The following DIS3L2 variants were observed in gnomAD, a reference collection of about 807,000 sequenced individuals.
DIS3L2 encodes DIS3-like exonuclease 2.
Under a neutral mutation model 97.5 loss-of-function variants are expected in DIS3L2, and 34 were observed. That is an observed-to-expected ratio of 0.35 (90% CI 0.27 to 0.46). DIS3L2 has a LOEUF of 0.46. Among genes scored for constraint, DIS3L2 ranks in the 20% least tolerant of loss-of-function variants. The probability of loss-of-function intolerance (pLI) is 1.00; values close to 1 mark genes in which losing one functional copy is unlikely to be tolerated. For missense variants in DIS3L2, 1,038 were observed against 1,146.0 expected (o/e 0.91, Z 1.36); for synonymous variants, 435 against 445.2 (o/e 0.98, Z 0.29).
chr2:232,039,622 G>A (rs1470272098), intron 5 of DIS3L2, among the ~76,000 whole-genome samples: 1 of 152,034 alleles, frequency 6.6e-6, no homozygotes, highest in African/African-American at 2.4e-5. Context: ...ATAACTCTTC[G>A]AAGTTCAGAT....
At chr2:231,983,908 AGAATT>A (rs1028618310) in intron 1 of DIS3L2, among the ~76,000 whole-genome samples, 1 of 151,788 alleles carries the variant, frequency 6.6e-6, no homozygotes, top group African/African-American at 2.4e-5. Context: ...AAAAAAGAAA[AGAATT>A]AAATGTAGTA....
At chr2:232,018,370 C>G (rs73098566) in intron 3 of DIS3L2, among the ~76,000 whole-genome samples, 2,054 of 152,280 alleles carry the variant, frequency 0.013, 55 homozygotes, top group African/African-American at 0.047. Flanking sequence ...GGGCCTCCCC[C>G]CTACATATGA....
chr2:232,300,326 G>A (rs139351601), intron 14 of DIS3L2, among the ~76,000 whole-genome samples: 1 of 152,282 alleles, frequency 6.6e-6, no homozygotes, highest in Non-Finnish European at 1.5e-5. Flanking sequence ...ACTTGCAGAG[G>A]AGCAGTTGTG....
intron 4 of DIS3L2, among the ~76,000 whole-genome samples, chr2:232,028,232 CT>C (rs564293421): frequency 1.3e-5 from 2 of 151,922 alleles, no homozygotes; most frequent in Admixed American, 6.6e-5. Context: ...ATTTTTCTTT[CT>C]TTTTTTTCTA....
At chr2:232,048,997 T>C (rs565383515) in intron 5 of DIS3L2, among the ~76,000 whole-genome samples, 6 of 152,168 alleles carry the variant, frequency 3.9e-5, no homozygotes, top group Non-Finnish European at 8.8e-5. Context: ...TATAGACACA[T>C]AGTTTAGTAT....
intron 16 of DIS3L2, among the ~76,000 whole-genome samples, chr2:232,332,861 GC>G (rs759483144): frequency 1.6e-4 from 25 of 152,160 alleles, no homozygotes; most frequent in Non-Finnish European, 3.4e-4. Context: ...GATGAGGACG[GC>G]CCCGACCAAA....
chr2:232,086,244 TAC>T lies in DIS3L2; in HGVS notation c.367-1238_367-1237del, dbSNP rs574801601. Among the ~76,000 whole-genome samples, 134 of 151,610 alleles carry T rather than the reference TAC, an allele frequency of 8.8e-4. 1 individual carries two copies. In the South Asian group the frequency reaches 0.013, roughly 15 times the overall value. On this transcript the variant is annotated intron_variant, in intron 5 of 20. Transcript: ENST00000325385. ...ACGTATAGACGTGTATACGTATATA[TAC>T]ACACGTATAGACGTGTATACGTGTA...
intron 9 of DIS3L2, among the ~76,000 whole-genome samples, chr2:232,191,820 A>C (rs1691625560): frequency 1.3e-5 from 2 of 152,228 alleles, no homozygotes; most frequent in Non-Finnish European, 2.9e-5. Flanking sequence ...CACAAGCATA[A>C]CAGTACTTTA....
chr2:232,315,285 G>A lies in DIS3L2; in HGVS notation c.1740-14528G>A, dbSNP rs1226872579. On this transcript the variant is annotated intron_variant, in intron 14 of 20. Transcript: ENST00000325385. The stretch of plus-strand genomic sequence containing the variant: ...ACTTAAAGTAGCAAATGTCTCTGCT[G>A]TAAAAACCCTCACTCCGGTACTGAA... Among the ~76,000 whole-genome samples the A allele has an allele frequency of 1.3e-5, 2 of 152,226 alleles. 1 individual carries two copies. Among genetic ancestry groups the A allele is most frequent in the African/African-American group, 4.8e-5 (2 of 41,460 alleles).
chr2:232,283,291 T>C (rs565762869), intron 13 of DIS3L2, among the ~76,000 whole-genome samples: 17 of 152,358 alleles, frequency 1.1e-4, no homozygotes, highest in African/African-American at 3.6e-4. Context: ...AGGCAGGGTC[T>C]TGCTCTGCTG....
chr2:232,015,568 A>G lies in DIS3L2; in HGVS notation c.107A>G (p.Lys36Arg), dbSNP rs1694330552. The change falls in exon 3 of 21, where the codon AAG (lysine) becomes AGG (arginine). Residue 36 changes from lysine (K) to arginine (R), a missense_variant. By Grantham distance (26) the Lys-to-Arg change is conservative. Coordinates refer to ENST00000325385, the MANE Select transcript of DIS3L2 (RefSeq NM_152383.5). Reference protein sequence around the residue: ...HDIGASPGDKKSKNRSTRGKK... With the variant: ...HDIGASPGDKRSKNRSTRGKK... Reference sequence around the variant, plus strand: ...ATTGGTGCTTCGCCAGGTGACAAAAAGTCAAAGAACAGGTCCACACGAGGG... The same window carrying G: ...ATTGGTGCTTCGCCAGGTGACAAAAGGTCAAAGAACAGGTCCACACGAGGG... 2 of 1,614,010 alleles carry G rather than the reference A, an allele frequency of 1.2e-6. No homozygotes were observed. The highest frequency in any genetic ancestry group is 1.1e-5 in the South Asian group (1 of 91,084).
intron 9 of DIS3L2, among the ~76,000 whole-genome samples, chr2:232,187,592 G>A (rs1325717477): frequency 2.0e-5 from 3 of 151,962 alleles, no homozygotes; most frequent in African/African-American, 4.8e-5. Flanking sequence ...ACAGGTGCGC[G>A]CCACCATGCC....
intron 10 of DIS3L2, among the ~76,000 whole-genome samples, chr2:232,233,134 T>C (rs1692841117): frequency 6.6e-6 from 1 of 152,208 alleles, no homozygotes; most frequent in Non-Finnish European, 1.5e-5. Context: ...TGATGAAGTA[T>C]ATTAAAAGGC....
At chr2:232,313,424 G>A (rs1695186856) in intron 14 of DIS3L2, among the ~76,000 whole-genome samples, 1 of 152,202 alleles carries the variant, frequency 6.6e-6, no homozygotes, top group African/African-American at 2.4e-5. Flanking sequence ...AGGAGGTTTT[G>A]CCTTGGCCAT....
rs981023501 is a variant in DIS3L2, at chr2:232,147,951, C to T, written c.950+11232C>T. Among the ~76,000 whole-genome samples the T allele has an allele frequency of 3.6e-5, 5 of 140,300 alleles. No individual in the cohort carries two copies. In the South Asian group the frequency reaches 1.3e-3, roughly 36 times the overall value. 92.0% of individuals were successfully genotyped at this position (140,300 alleles called of 152,430 possible). ...CTCTTCTCTTCCCTTCCCTTCCCTC[C>T]CCTCCCTTTCCTCCCCTCCCCTCCC... On this transcript the variant is annotated intron_variant, in intron 8 of 20. Coordinates refer to ENST00000325385, the MANE Select transcript of DIS3L2 (RefSeq NM_152383.5).
chr2:232,323,948 T>C (rs1695506242), intron 14 of DIS3L2, among the ~76,000 whole-genome samples: 1 of 152,122 alleles, frequency 6.6e-6, no homozygotes, highest in Non-Finnish European at 1.5e-5. Context: ...CGGCCTGGCC[T>C]GGAACAGAGC....
chr2:232,217,382 T>C (rs571589775), intron 10 of DIS3L2, among the ~76,000 whole-genome samples: 1 of 152,332 alleles, frequency 6.6e-6, no homozygotes, highest in East Asian at 1.9e-4. Flanking sequence ...ACTTGGGTGC[T>C]TTTTTGCCAT....
downstream of DIS3L2, among the ~76,000 whole-genome samples, chr2:232,339,127 T>C (rs962084252): frequency 4.6e-4 from 70 of 151,844 alleles, no homozygotes; most frequent in Admixed American, 2.4e-3. Flanking sequence ...CTCTCAAGAG[T>C]TTGCAGCCAC....
At chr2:232,330,911 C>A in intron 16 of DIS3L2, 135 bp downstream of exon 16, 1 of 911,102 alleles carries the variant, frequency 1.1e-6, no homozygotes, top group Non-Finnish European at 1.7e-6. Flanking sequence ...GGGGCTGCTC[C>A]TCCTCTGCCA....
Sources: gnomAD v4.1 joint callset for allele counts (sites outside exome capture counted in the v4.1 genomes callset) on GRCh38, gnomAD v4.1.1 for gene constraint, MANE v1.5 for transcripts, NCBI Gene and HGNC (gene_info 2026-07-23, HGNC 2026-07-21) for gene names.